The following RAB27B variants were observed in gnomAD, a reference collection of about 807,000 sequenced individuals.
RAB27B encodes RAB27B, member RAS oncogene family, also known as ras-related protein Rab-27B.
RAB27B carries 15 observed loss-of-function variants against 24.6 expected under a neutral mutation model. That is an observed-to-expected ratio of 0.61 (90% CI 0.41 to 0.94). The LOEUF is 0.94. Ranked by LOEUF, RAB27B falls within the 40% of genes least tolerant of loss-of-function variation. The probability of loss-of-function intolerance (pLI) is 0.00; values close to 1 mark genes in which losing one functional copy is unlikely to be tolerated. For missense variants in RAB27B, 261 were observed against 266.8 expected, an observed-to-expected ratio of 0.98 and a Z score of 0.15; for synonymous variants, 105 against 92.5, an observed-to-expected ratio of 1.14 and a Z score of -0.78.
chr18:54,726,567 G>C (rs1365592428), intron 2 of RAB27B, among the ~76,000 whole-genome samples: 1 of 151,408 alleles, frequency 6.6e-6, no homozygotes, highest in Non-Finnish European at 1.5e-5. Flanking sequence ...TTAGGAAGTA[G>C]ATTTCTAATT....
intron 2 of RAB27B, among the ~76,000 whole-genome samples, chr18:54,809,057 T>A (rs1054821855): frequency 6.6e-6 from 1 of 152,208 alleles, no homozygotes; most frequent in East Asian, 1.9e-4. Context: ...TTTTCCCCCA[T>A]TGAATTTGTG....
chr18:54,881,300 A>C (rs1218735199), intron 3 of RAB27B, among the ~76,000 whole-genome samples: 13 of 152,068 alleles, frequency 8.5e-5, no homozygotes, highest in Non-Finnish European at 1.8e-4. Context: ...TAGTAGTTTT[A>C]TTAGAAAAAG....
intron 1 of RAB27B, among the ~76,000 whole-genome samples, chr18:54,864,000 A>G (rs1219462154): frequency 1.3e-5 from 2 of 152,174 alleles, no homozygotes; most frequent in East Asian, 1.9e-4. Context: ...GAGTGAATAT[A>G]TGTTTTCATT....
In RAB27B at chr18:54,851,831, A is replaced by C. The variant is rs28630848; in HGVS notation, c.-20+23131A>C. Among the ~76,000 whole-genome samples the C allele has an allele frequency of 6.7e-3, 1,016 of 152,294 alleles. 11 individuals are homozygous for C. Among genetic ancestry groups the C allele is most frequent in the African/African-American group, 0.024 (978 of 41,556 alleles). On this transcript the variant is annotated intron_variant, in intron 1 of 5. Transcript: ENST00000262094. ...CTGTGATTGTGTTAAATTGAGGAAT[A>C]ATTTAACAAAAAAAGCACCCATTTT...
At chr18:54,810,860 A>AT (rs1350715919) in intron 2 of RAB27B, among the ~76,000 whole-genome samples, 2 of 150,428 alleles carry the variant, frequency 1.3e-5, no homozygotes, top group African/African-American at 2.4e-5. Context: ...AAATAAATAA[A>AT]TAAATAAATA....
At chr18:54,784,653 T>A (rs1036264068) in intron 2 of RAB27B, among the ~76,000 whole-genome samples, 2 of 152,238 alleles carry the variant, frequency 1.3e-5, no homozygotes, top group Non-Finnish European at 2.9e-5. Flanking sequence ...TTTGTTCTTT[T>A]TTTATGGCTG....
chr18:54,865,237 TTGTGTGTGTG>T (rs3060044), intron 1 of RAB27B, among the ~76,000 whole-genome samples: 92 of 143,392 alleles, frequency 6.4e-4, no homozygotes, highest in Admixed American at 9.0e-4. Context: ...CAATGGCCTT[TTGTGTGTGTG>T]TGTGTGTGTG....
At chr18:54,793,257 A>C (rs1467464804) in intron 2 of RAB27B, among the ~76,000 whole-genome samples, 1 of 152,224 alleles carries the variant, frequency 6.6e-6, no homozygotes, top group Non-Finnish European at 1.5e-5. Context: ...CTCAGCAGAC[A>C]AAACAGAAAC....
At chr18:54,747,008 G>A (rs1350051070) in intron 2 of RAB27B, among the ~76,000 whole-genome samples, 3 of 152,110 alleles carry the variant, frequency 2.0e-5, no homozygotes, top group African/African-American at 7.2e-5. Flanking sequence ...ATGTTTCCCT[G>A]TAAATAAAAT....
chr18:54,735,277 G>A (rs915181495), intron 2 of RAB27B, among the ~76,000 whole-genome samples: 1 of 152,172 alleles, frequency 6.6e-6, no homozygotes, highest in African/African-American at 2.4e-5. Context: ...CTATTGAAAC[G>A]TGGCTACTTA....
At chr18:54,825,486 T>G (rs1910442899), upstream of RAB27B, among the ~76,000 whole-genome samples, 1 of 152,190 alleles carries the variant, frequency 6.6e-6, no homozygotes, top group Non-Finnish European at 1.5e-5. Context: ...TTTTTTTCCA[T>G]TTTTTGAAAA....
chr18:54,881,832 C>T (rs185974030), intron 3 of RAB27B, among the ~76,000 whole-genome samples: 13 of 152,174 alleles, frequency 8.5e-5, no homozygotes, highest in Admixed American at 5.9e-4. Context: ...AATTGTTTGC[C>T]CCAAACAGAT....
At chr18:54,761,223 C>A (rs1385846767) in intron 2 of RAB27B, among the ~76,000 whole-genome samples, 3 of 152,110 alleles carry the variant, frequency 2.0e-5, no homozygotes, top group African/African-American at 4.8e-5. Context: ...ACTCCTTAGA[C>A]TCTTTAAGAT....
intron 2 of RAB27B, among the ~76,000 whole-genome samples, chr18:54,808,139 C>T (rs566669787): frequency 6.6e-6 from 1 of 152,284 alleles, no homozygotes; most frequent in East Asian, 1.9e-4. Context: ...TTGTTTACTG[C>T]TTAAGATTCT....
chr18:54,730,952 T>C (rs1389243752), intron 2 of RAB27B, among the ~76,000 whole-genome samples: 1 of 152,230 alleles, frequency 6.6e-6, no homozygotes, highest in African/African-American at 2.4e-5. Flanking sequence ...GAATCTAGAA[T>C]TGGGATAAAA....
upstream of RAB27B, among the ~76,000 whole-genome samples, chr18:54,823,705 C>G (rs1843116489): frequency 6.6e-6 from 1 of 152,154 alleles, no homozygotes; most frequent in African/African-American, 2.4e-5. Flanking sequence ...CTTCATTCTG[C>G]ATTTCAATTC....
chr18:54,784,378 G>A (rs1909013890), intron 2 of RAB27B, among the ~76,000 whole-genome samples: 2 of 152,088 alleles, frequency 1.3e-5, no homozygotes. Flanking sequence ...TGTGGTTTGG[G>A]CTTCTAATGA....
intron 2 of RAB27B, among the ~76,000 whole-genome samples, chr18:54,784,032 A>G (rs970538869): frequency 6.6e-6 from 1 of 152,238 alleles, no homozygotes; most frequent in Non-Finnish European, 1.5e-5. Context: ...TTCAAAGACA[A>G]GGGTACTGGG....
In RAB27B at chr18:54,758,012, T is replaced by C. The variant is rs181035186; in HGVS notation, c.-20+39871T>C. On this transcript the variant is annotated intron_variant, in intron 2 of 4. Coordinates refer to the RAB27B transcript ENST00000586570. ...TTTTGAGATGGAGTTTCACTCTTGT[T>C]GCCTAGGCTGGAGTGCAGTGGTGCG... Among the ~76,000 whole-genome samples the C allele has an allele frequency of 2.9e-3, 446 of 152,256 alleles. 5 individuals carry two copies. The highest frequency in any genetic ancestry group is 0.028 in the South Asian group (135 of 4,816).
Sources: gnomAD v4.1 joint callset for allele counts (sites outside exome capture counted in the v4.1 genomes callset) on GRCh38, gnomAD v4.1.1 for gene constraint, MANE v1.5 for transcripts, NCBI Gene and HGNC (gene_info 2026-07-23, HGNC 2026-07-21) for gene names.